Variants in EML6 observed in about 807,000 individuals in gnomAD.
The protein encoded by EML6 is EMAP like 6, also known as echinoderm microtubule-associated protein-like 6.
A neutral mutation model predicts 240.1 loss-of-function variants in EML6; 154 were observed. That is an observed-to-expected ratio of 0.64 (90% CI 0.56 to 0.73). The LOEUF (loss-of-function observed/expected upper bound fraction) is 0.73, where lower values mean the gene tolerates loss of function less well. Among genes scored for constraint, EML6 ranks in the 30% least tolerant of loss-of-function variants. The pLI, the probability that EML6 is intolerant of heterozygous loss-of-function variation, is 0.00. For synonymous variants in EML6, 1,148 were observed against 899.0 expected (o/e 1.28, Z -4.95); for missense variants, 2,964 against 2,474.6 (o/e 1.20, Z -4.20).
At chr2:54,794,713 T>A (rs1669659997) in intron 2 of EML6, among the ~76,000 whole-genome samples, 1 of 152,162 alleles carries the variant, frequency 6.6e-6, no homozygotes, top group Non-Finnish European at 1.5e-5. Flanking sequence ...GGATTAACTT[T>A]AATAGTAAAA....
Position 54,912,388 on chromosome 2 carries a change from TTA to T in EML6, c.3498+1349_3498+1350del, listed in dbSNP as rs1472917914. 2.0e-5 allele frequency among the ~76,000 whole-genome samples: 3 copies of T among 152,302 alleles called. No individual in the cohort carries two copies. In the East Asian group the frequency reaches 5.8e-4, roughly 29 times the overall value. ...GGTAATTTGTTGACTGCCAGATACT[TTA>T]TACACCTTTATTTTTAATTTTAATT... On this transcript the variant is annotated intron_variant, in intron 25 of 41. Transcript: ENST00000356458.
At chr2:54,891,749 G>T (rs1672479232) in intron 18 of EML6, among the ~76,000 whole-genome samples, 2 of 152,132 alleles carry the variant, frequency 1.3e-5, no homozygotes, top group South Asian at 4.1e-4. Context: ...ATGTGAATAA[G>T]GTTCTGTTCC....
At chr2:54,747,831 C>G (rs188022109) in intron 2 of EML6, among the ~76,000 whole-genome samples, 1 of 151,988 alleles carries the variant, frequency 6.6e-6, no homozygotes, top group Non-Finnish European at 1.5e-5. Flanking sequence ...TTAAACAGTT[C>G]TTGTTTCTAC....
intron 2 of EML6, among the ~76,000 whole-genome samples, chr2:54,795,509 G>C (rs1002717477): frequency 6.6e-6 from 1 of 152,150 alleles, no homozygotes; most frequent in African/African-American, 2.4e-5. Flanking sequence ...ATACACGTGT[G>C]GGGGAGGAAA....
In EML6 at chr2:54,880,586, G is replaced by C. The variant is rs182129268; in HGVS notation, c.2438+946G>C. The C allele has an allele frequency of 2.0e-5, 3 of 152,270 alleles. No individual in the cohort carries two copies. In the East Asian group the frequency reaches 5.8e-4, roughly 29 times the overall value. 9.4% of individuals were successfully genotyped at this position (152,270 alleles called of 1,614,324 possible). On this transcript the variant is annotated intron_variant, in intron 17 of 41. Coordinates refer to ENST00000356458, the MANE Select transcript of EML6 (RefSeq NM_001039753.4). ...CAACTGACCATCTTCGGAGAAAAAG[G>C]GAAGCTTTTCTGATGACTGCTGTTG...
At chr2:54,866,139 C>G (rs530741105) in intron 13 of EML6, among the ~76,000 whole-genome samples, 52 of 152,280 alleles carry the variant, frequency 3.4e-4, no homozygotes, top group African/African-American at 1.2e-3. Flanking sequence ...TAAATAAAAA[C>G]TTGATGAAGA....
At chr2:54,967,297 T>G (rs192836624) in intron 39 of EML6, 194 bp downstream of exon 39, 28 of 394,988 alleles carry the variant, frequency 7.1e-5, no homozygotes, top group African/African-American at 5.5e-4. Context: ...CCTAGGTTTT[T>G]GAAATGCGAA....
intron 17 of EML6, chr2:54,880,708 C>G (rs73938653): frequency 1.3e-5 from 2 of 152,120 alleles, no homozygotes; most frequent in African/African-American, 4.8e-5. Context: ...ACTGTCATTC[C>G]ACTCCCTTCT....
chr2:54,829,750 G>A (rs537605699), intron 7 of EML6, among the ~76,000 whole-genome samples: 6 of 152,306 alleles, frequency 3.9e-5, no homozygotes, highest in African/African-American at 1.4e-4. Flanking sequence ...ACAAAACTGA[G>A]ACGTTCTAGA....
At chr2:54,967,616 G>A (rs1676806289) in intron 39 of EML6, among the ~76,000 whole-genome samples, 1 of 152,188 alleles carries the variant, frequency 6.6e-6, no homozygotes, top group Non-Finnish European at 1.5e-5. Context: ...TTTTTGGAGT[G>A]TAGGGAACTG....
At chr2:54,761,811 A>G (rs1667996079) in intron 2 of EML6, among the ~76,000 whole-genome samples, 1 of 151,210 alleles carries the variant, frequency 6.6e-6, no homozygotes, top group African/African-American at 2.4e-5. Context: ...ATTTTGACAC[A>G]TTTTCTTTGT....
At chr2:54,869,753 ATATTTG>A (rs1671156619) in intron 15 of EML6, among the ~76,000 whole-genome samples, 2 of 152,222 alleles carry the variant, frequency 1.3e-5, no homozygotes, top group East Asian at 1.9e-4. Context: ...GAGTATAATT[ATATTTG>A]TAAGACTGAA....
intron 14 of EML6, chr2:54,867,222 T>G (rs545392674): frequency 5.7e-6 from 1 of 175,172 alleles, no homozygotes; most frequent in East Asian, 1.4e-4. Flanking sequence ...CCTAATCCCC[T>G]GCTGTGTTTT....
Position 54,950,727 on chromosome 2 carries a change from T to C in EML6, c.4161T>C (p.Ala1387=), listed in dbSNP as rs1321749825. The change falls in exon 30 of 42, where the codon GCT becomes GCC. Residue 1387 remains alanine (A), a synonymous_variant. Transcript: ENST00000356458. The stretch of plus-strand genomic sequence containing the variant: ...ACCTGCATTACCTTAATGATGGCGC[T>C]GACATCATCTTCCACACAGCAGCGG... The part of the protein sequence containing the change: ...RNNLHYLNDG[A]DIIFHTAAAG... 1.9e-6 allele frequency: 3 copies of C among 1,551,442 alleles called. No individual in the cohort carries two copies. Among genetic ancestry groups the C allele is most frequent in the Middle Eastern group, 3.3e-4 (2 of 6,014 alleles).
intron 28 of EML6, among the ~76,000 whole-genome samples, chr2:54,942,116 A>T (rs1383426553): frequency 6.6e-6 from 1 of 152,236 alleles, no homozygotes; most frequent in Non-Finnish European, 1.5e-5. Flanking sequence ...AAGCAAAGCA[A>T]TGACTTCTGT....
At chr2:54,740,327 G>A (rs1166374208) in intron 2 of EML6, among the ~76,000 whole-genome samples, 1 of 152,108 alleles carries the variant, frequency 6.6e-6, no homozygotes, top group Non-Finnish European at 1.5e-5. Flanking sequence ...TGGTCACAGG[G>A]GTAGGAGGCA....
intron 41 of EML6, among the ~76,000 whole-genome samples, chr2:54,969,663 C>T (rs1325014884): frequency 1.3e-5 from 2 of 152,188 alleles, no homozygotes; most frequent in African/African-American, 2.4e-5. Flanking sequence ...TGGCCTTAAC[C>T]GTGCAGGGCT....
rs1489914996 is a variant in EML6 at position 54,959,163 on chromosome 2, C to T, written c.4755C>T (p.Phe1585=). The change falls in exon 34 of 42, where the codon TTC becomes TTT. Residue 1585 remains phenylalanine, a synonymous_variant. Coordinates refer to ENST00000356458, the MANE Select transcript of EML6 (RefSeq NM_001039753.4). ...NGDVYVWKDH[F]LIRLVAKAHT... is the part of the protein sequence containing the mutation. ...ATGTCTACGTCTGGAAGGACCACTTCCTCATCCGGCTGGTGGCCAAGGCTC... is the reference window on the plus strand; with the variant it reads ...ATGTCTACGTCTGGAAGGACCACTTTCTCATCCGGCTGGTGGCCAAGGCTC... The T allele has an allele frequency of 6.4e-7, 1 of 1,551,586 alleles. No homozygotes were observed. Among genetic ancestry groups the T allele is most frequent in the African/African-American group, 1.4e-5 (1 of 73,056 alleles).
At chr2:54,950,880 A>G (rs1675940558) in intron 30 of EML6, 101 bp downstream of exon 30, 1 of 1,249,108 alleles carries the variant, frequency 8.0e-7, no homozygotes, top group Non-Finnish European at 1.1e-6. Flanking sequence ...TCCTTCCCTT[A>G]TAGAGCCATT....
Sources: allele counts gnomAD v4.1 joint callset (sites outside exome capture counted in the v4.1 genomes callset), GRCh38; gene constraint gnomAD v4.1.1; transcripts MANE v1.5; gene names NCBI Gene and HGNC (gene_info 2026-07-23, HGNC 2026-07-21).